Variants in DIS3L2 observed in about 807,000 individuals in gnomAD.
DIS3L2 encodes the protein DIS3 like 3'-5' exoribonuclease 2.
Under a neutral mutation model 97.5 loss-of-function variants are expected in DIS3L2, and 34 were observed. That is an observed-to-expected ratio of 0.35 (90% CI 0.27 to 0.46). The LOEUF (loss-of-function observed/expected upper bound fraction) is 0.46. Among genes scored for constraint, DIS3L2 ranks in the 20% least tolerant of loss-of-function variants. The pLI is 1.00. For synonymous variants in DIS3L2, 435 were observed against 445.2 expected (o/e 0.98, Z 0.29); for missense variants, 1,038 against 1,146.0 (o/e 0.91, Z 1.36).
chr2:232,199,794 T>C (rs1559727800), intron 9 of DIS3L2, among the ~76,000 whole-genome samples: 1 of 152,214 alleles, frequency 6.6e-6, no homozygotes, highest in Middle Eastern at 3.4e-3. Context: ...GGGGGAATGA[T>C]AGAGATGGGA....
intron 5 of DIS3L2, among the ~76,000 whole-genome samples, chr2:232,030,370 T>G (rs2106240199): frequency 6.6e-6 from 1 of 152,270 alleles, no homozygotes; most frequent in South Asian, 2.1e-4. Context: ...GAGGGCCCAT[T>G]CAAACTTGGT....
chr2:232,025,056 A>G (rs1219156278), intron 4 of DIS3L2, among the ~76,000 whole-genome samples: 1 of 152,202 alleles, frequency 6.6e-6, no homozygotes, highest in East Asian at 1.9e-4. Context: ...GACCAAACTT[A>G]TGCTTATAGA....
At chr2:232,239,125 C>T (rs1369015226) in intron 11 of DIS3L2, among the ~76,000 whole-genome samples, 6 of 152,138 alleles carry the variant, frequency 3.9e-5, no homozygotes, top group African/African-American at 7.2e-5. Context: ...GATGGAAAAG[C>T]GAAGGGAGAT....
intron 1 of DIS3L2, among the ~76,000 whole-genome samples, chr2:232,009,307 A>C (rs1477045724): frequency 6.6e-6 from 1 of 152,124 alleles, no homozygotes; most frequent in East Asian, 1.9e-4. Flanking sequence ...TATTTCTGAT[A>C]ATATATTCTG....
intron 11 of DIS3L2, among the ~76,000 whole-genome samples, chr2:232,241,162 A>G (rs1336435104): frequency 2.0e-5 from 3 of 151,530 alleles, no homozygotes; most frequent in Admixed American, 1.3e-4. Context: ...CTTTCTTCCT[A>G]CTCGGTTTTG....
At chr2:232,055,879 T>C (rs757570056) in intron 5 of DIS3L2, among the ~76,000 whole-genome samples, 1 of 152,200 alleles carries the variant, frequency 6.6e-6, no homozygotes, top group Non-Finnish European at 1.5e-5. Flanking sequence ...AGAATGCTCT[T>C]TTCAACAAGT....
At chr2:232,339,601 G>A (rs1033772697), downstream of DIS3L2, 4 of 404,624 alleles carry the variant, frequency 9.9e-6, no homozygotes, top group Middle Eastern at 3.6e-4. Flanking sequence ...TCCTTTGTGG[G>A]ACAAGAGCCT....
chr2:232,161,596 G>T (rs543832076), intron 8 of DIS3L2, among the ~76,000 whole-genome samples: 1 of 152,034 alleles, frequency 6.6e-6, no homozygotes, highest in African/African-American at 2.4e-5. Context: ...TCAGCCACCC[G>T]AATAGCTGGA....
At chr2:232,207,327 A>G (rs186554300) in intron 9 of DIS3L2, among the ~76,000 whole-genome samples, 9 of 152,314 alleles carry the variant, frequency 5.9e-5, no homozygotes, top group Admixed American at 3.9e-4. Flanking sequence ...CATCAATTAC[A>G]GCCCATTGCT....
chr2:232,276,399 ACAGCTGAGCTCACCTCGAGGG>A lies in DIS3L2; in HGVS notation c.1659+12960_1659+12980del, dbSNP rs1164102892. Among the ~76,000 whole-genome samples, 1 of 152,206 alleles carries A rather than the reference ACAGCTGAGCTCACCTCGAGGG, an allele frequency of 6.6e-6. No individual in the cohort carries two copies. The highest frequency in any genetic ancestry group is 1.5e-5 in the Non-Finnish European group (1 of 68,036). On this transcript the variant is annotated intron_variant, in intron 13 of 20. Transcript: ENST00000325385. The surrounding 1 kb of genome is among the most constrained non-coding windows in gnomAD (Gnocchi z 4.4). Reference sequence around the variant, plus strand: ...ACCTCCCTGGTGGCTATGCCAGAGCACAGCTGAGCTCACCTCGAGGGGAGCAGAGCTCCTATCTTTCCTGGA... The same window carrying A: ...ACCTCCCTGGTGGCTATGCCAGAGCAGAGCAGAGCTCCTATCTTTCCTGGA...
chr2:232,221,069 TC>T (rs1692492486), intron 10 of DIS3L2, among the ~76,000 whole-genome samples: 1 of 128,226 alleles, frequency 7.8e-6, no homozygotes, highest in Non-Finnish European at 1.6e-5. Flanking sequence ...GCCACTGTGC[TC>T]CAGCCTGGGT....
intron 5 of DIS3L2, among the ~76,000 whole-genome samples, chr2:232,044,543 C>T (rs1305397100): frequency 1.3e-5 from 2 of 151,980 alleles, no homozygotes; most frequent in East Asian, 1.9e-4. Context: ...AAACTTGTTT[C>T]GACATGTTGA....
intron 9 of DIS3L2, among the ~76,000 whole-genome samples, chr2:232,209,157 A>G (rs1692115327): frequency 6.6e-6 from 1 of 152,010 alleles, no homozygotes; most frequent in African/African-American, 2.4e-5. Context: ...TGTGGTTAGG[A>G]TTAGAGAGGG....
At chr2:232,246,906 G>GGTAGT (rs1391261875) in intron 11 of DIS3L2, among the ~76,000 whole-genome samples, 4 of 1,334 alleles carry the variant, frequency 3.0e-3, no homozygotes, top group African/African-American at 0.015. Flanking sequence ...ATTTATTTTG[G>GGTAGT]AAATAGCTAA....
intron 13 of DIS3L2, among the ~76,000 whole-genome samples, chr2:232,295,049 C>G (rs766590010): frequency 1.3e-5 from 2 of 152,160 alleles, no homozygotes; most frequent in African/African-American, 4.8e-5. Context: ...CTCATACCTT[C>G]CTGGCAGATA....
intron 6 of DIS3L2, among the ~76,000 whole-genome samples, chr2:232,125,225 G>A (rs1198806079): frequency 6.6e-6 from 1 of 152,230 alleles, no homozygotes; most frequent in Non-Finnish European, 1.5e-5. Context: ...CACACTGCTT[G>A]CCAGCAGTCA....
chr2:232,009,530 A>G (rs1694140056), intron 1 of DIS3L2, among the ~76,000 whole-genome samples: 2 of 152,298 alleles, frequency 1.3e-5, no homozygotes, highest in South Asian at 4.1e-4. Flanking sequence ...CTTAGTGGTC[A>G]GCCTATGATT....
At chr2:232,154,426 G>A (rs1690417261) in intron 8 of DIS3L2, among the ~76,000 whole-genome samples, 3 of 18,506 alleles carry the variant, frequency 1.6e-4, no homozygotes, top group South Asian at 1.4e-3. Context: ...CTAACAGACA[G>A]GACCCTCAGC....
At position 232,293,741 on chromosome 2, in the gene DIS3L2, A is replaced by G. The variant is rs1212761945; in HGVS notation, c.1660-6299A>G. Among the ~76,000 whole-genome samples, 1 of 152,096 alleles carries G rather than the reference A, an allele frequency of 6.6e-6. No homozygotes were observed. The highest frequency in any genetic ancestry group is 1.5e-5 in the Non-Finnish European group (1 of 68,016). On this transcript the variant is annotated intron_variant, in intron 13 of 20. Coordinates refer to ENST00000325385, the MANE Select transcript of DIS3L2 (RefSeq NM_152383.5). This position sits in a 1 kb window ranked among gnomAD's most constrained non-coding sequence, Gnocchi z 4.6. Reference sequence around the variant, plus strand: ...CCATATTTGTTCATGTGAACAACCAACCTTCAGCGAGCCTGGGCTGTGTTG... The same window carrying G: ...CCATATTTGTTCATGTGAACAACCAGCCTTCAGCGAGCCTGGGCTGTGTTG...
Sources: allele counts gnomAD v4.1 joint callset (sites outside exome capture counted in the v4.1 genomes callset), GRCh38; gene constraint gnomAD v4.1.1; non-coding constraint Gnocchi (gnomAD v3.1); transcripts MANE v1.5; gene names NCBI Gene and HGNC (gene_info 2026-07-23, HGNC 2026-07-21).